Variants in RARB observed in about 807,000 individuals in gnomAD.
RARB encodes retinoic acid receptor beta.
Under a neutral mutation model 51.9 loss-of-function variants are expected in RARB, and 17 were observed. The observed-to-expected ratio is 0.33, with a 90% CI of 0.22 to 0.49. The LOEUF (loss-of-function observed/expected upper bound fraction) is 0.49, where lower values mean the gene tolerates loss of function less well. Ranked by LOEUF, RARB falls within the 20% of genes least tolerant of loss-of-function variation. The pLI is 0.99. For missense variants in RARB, 369 were observed against 550.8 expected (o/e 0.67, Z 3.30); for synonymous variants, 215 against 195.4 (o/e 1.10, Z -0.84).
At chr3:25,033,005 C>A (rs893065765) in intron 2 of RARB, among the ~76,000 whole-genome samples, 8 of 152,198 alleles carry the variant, frequency 5.3e-5, no homozygotes, top group Non-Finnish European at 1.0e-4. Context: ...CATCACACAT[C>A]AACTTAAGTC....
chr3:25,001,144 G>A (rs993523631), intron 2 of RARB, among the ~76,000 whole-genome samples: 3 of 151,576 alleles, frequency 2.0e-5, no homozygotes, highest in African/African-American at 7.3e-5. Context: ...GTTGAATAAG[G>A]GACAAATTAA....
intron 5 of RARB, among the ~76,000 whole-genome samples, chr3:25,401,328 T>A (rs1409801971): frequency 6.6e-6 from 1 of 152,178 alleles, no homozygotes; most frequent in Admixed American, 6.5e-5. Flanking sequence ...TCAGAAAGGG[T>A]GAAGCCTCTC....
At chr3:25,129,620 ACT>A (rs1446904139) in intron 3 of RARB, among the ~76,000 whole-genome samples, 3 of 152,020 alleles carry the variant, frequency 2.0e-5, no homozygotes, top group Non-Finnish European at 4.4e-5. Context: ...TCAGAGTATG[ACT>A]CATCTCTATC....
At chr3:25,464,917 A>G (rs928836013) in intron 2 of RARB, among the ~76,000 whole-genome samples, 1 of 152,196 alleles carries the variant, frequency 6.6e-6, no homozygotes, top group African/African-American at 2.4e-5. Context: ...TTTTATGGTT[A>G]TACAATTAAT....
chr3:25,244,287 T>G (rs1425266725), intron 5 of RARB, among the ~76,000 whole-genome samples: 1 of 146,840 alleles, frequency 6.8e-6, no homozygotes, highest in Non-Finnish European at 1.5e-5. Flanking sequence ...TTTTTTTTTT[T>G]GAAGAGTTTG....
intron 5 of RARB, among the ~76,000 whole-genome samples, chr3:25,290,258 T>C (rs1289099585): frequency 2.0e-5 from 3 of 152,080 alleles, no homozygotes; most frequent in Non-Finnish European, 4.4e-5. Flanking sequence ...TAAAATGAAA[T>C]CATTAATCCA....
At chr3:25,085,139 C>G (rs1699081775) in intron 3 of RARB, among the ~76,000 whole-genome samples, 1 of 152,040 alleles carries the variant, frequency 6.6e-6, no homozygotes, top group Admixed American at 6.6e-5. Context: ...AGATGTGCCA[C>G]CTGAAGTTCA....
intron 2 of RARB, among the ~76,000 whole-genome samples, chr3:24,862,912 G>A (rs1390134850): frequency 6.6e-6 from 1 of 152,184 alleles, no homozygotes; most frequent in African/African-American, 2.4e-5. Context: ...CACAGAGGCT[G>A]GGGTCAGCTG....
At chr3:25,061,030 T>C (rs1373771288) in intron 3 of RARB, among the ~76,000 whole-genome samples, 1 of 151,834 alleles carries the variant, frequency 6.6e-6, no homozygotes, top group Non-Finnish European at 1.5e-5. Flanking sequence ...AAAATTCATG[T>C]TTCAAACTGT....
At chr3:25,267,987 TAGG>T (rs1703164272) in intron 5 of RARB, among the ~76,000 whole-genome samples, 1 of 152,218 alleles carries the variant, frequency 6.6e-6, no homozygotes, top group East Asian at 1.9e-4. Context: ...TTTCAAATGC[TAGG>T]AGGAGAGTTA....
At chr3:24,841,336 C>T (rs567324346) in intron 1 of RARB, among the ~76,000 whole-genome samples, 2 of 152,328 alleles carry the variant, frequency 1.3e-5, no homozygotes, top group South Asian at 2.1e-4. Flanking sequence ...TACACAAACC[C>T]TGCTCTTCAG....
At chr3:24,911,305 C>G (rs535293942) in intron 2 of RARB, among the ~76,000 whole-genome samples, 1 of 151,800 alleles carries the variant, frequency 6.6e-6, no homozygotes, top group African/African-American at 2.4e-5. Flanking sequence ...TTGTTCTGTT[C>G]GATTGTAAAA....
chr3:25,342,416 G>A (rs1317592015), intron 5 of RARB, among the ~76,000 whole-genome samples: 1 of 152,110 alleles, frequency 6.6e-6, no homozygotes, highest in Non-Finnish European at 1.5e-5. Flanking sequence ...ATCTTCATCG[G>A]CTGCTAGGAC....
intron 1 of RARB, among the ~76,000 whole-genome samples, chr3:24,858,445 A>G (rs1702674538): frequency 6.6e-6 from 1 of 152,154 alleles, no homozygotes; most frequent in Non-Finnish European, 1.5e-5. Context: ...GCTGTACCCT[A>G]TCGTGTGATT....
At chr3:25,572,473 T>G (rs927808196) in intron 4 of RARB, among the ~76,000 whole-genome samples, 1 of 152,160 alleles carries the variant, frequency 6.6e-6, no homozygotes, top group Non-Finnish European at 1.5e-5. Flanking sequence ...TCGATAACTT[T>G]CCCCTTGTCT....
chr3:25,255,331 G>A (rs1428786322), intron 5 of RARB, among the ~76,000 whole-genome samples: 2 of 152,072 alleles, frequency 1.3e-5, no homozygotes, highest in African/African-American at 4.8e-5. Context: ...ATCACAGTTT[G>A]TTCTTTTTGA....
At chr3:25,215,411 C>A (rs1354865300) in intron 5 of RARB, among the ~76,000 whole-genome samples, 1 of 152,052 alleles carries the variant, frequency 6.6e-6, no homozygotes, top group African/African-American at 2.4e-5. Context: ...TGGAAAAGAC[C>A]ATAATTTATG....
At chr3:25,037,014 A>G (rs1698009768) in intron 2 of RARB, among the ~76,000 whole-genome samples, 1 of 152,176 alleles carries the variant, frequency 6.6e-6, no homozygotes, top group African/African-American at 2.4e-5. Context: ...CTCCTGTCAA[A>G]ATTACTGCTG....
intron 3 of RARB, among the ~76,000 whole-genome samples, chr3:25,530,037 C>G (rs1452795938): frequency 6.6e-6 from 1 of 151,818 alleles, no homozygotes; most frequent in Non-Finnish European, 1.5e-5. Context: ...GTGGCTGCCT[C>G]TCCCCTTCAT....
Sources: gnomAD v4.1 joint callset for allele counts (sites outside exome capture counted in the v4.1 genomes callset) on GRCh38, gnomAD v4.1.1 for gene constraint, MANE v1.5 for transcripts, NCBI Gene and HGNC (gene_info 2026-07-23, HGNC 2026-07-21) for gene names.